Variants in RNF220 observed in about 807,000 individuals in gnomAD.
RNF220 encodes ring finger protein 220.
A neutral mutation model predicts 67.1 loss-of-function variants in RNF220; 7 were observed. The observed-to-expected ratio is 0.10, with a 90% CI of 0.06 to 0.20. RNF220 has a LOEUF of 0.20. Ranked by LOEUF, RNF220 falls within the 10% of genes least tolerant of loss-of-function variation. The pLI is 1.00. For synonymous variants in RNF220, 270 were observed against 283.2 expected (o/e 0.95, Z 0.47); for missense variants, 565 against 740.3 (o/e 0.76, Z 2.75).
chr1:44,454,410 G>A (rs1038204404), intron 2 of RNF220, among the ~76,000 whole-genome samples: 1 of 152,046 alleles, frequency 6.6e-6, no homozygotes, highest in African/African-American at 2.4e-5. Context: ...TTCTTTAAGA[G>A]TAAAGTCATG....
intron 2 of RNF220, among the ~76,000 whole-genome samples, chr1:44,593,789 G>A (rs1327125188): frequency 6.6e-6 from 1 of 150,694 alleles, no homozygotes; most frequent in Non-Finnish European, 1.5e-5. Context: ...GACTTAAAAG[G>A]GATAAACTCT....
At chr1:44,560,396 A>G (rs910473048) in intron 2 of RNF220, among the ~76,000 whole-genome samples, 1 of 152,236 alleles carries the variant, frequency 6.6e-6, no homozygotes, top group African/African-American at 2.4e-5. Flanking sequence ...TGCCATCATC[A>G]GTTCGGCTCC....
intron 2 of RNF220, among the ~76,000 whole-genome samples, chr1:44,455,100 T>A (rs968385087): frequency 2.6e-5 from 4 of 152,230 alleles, no homozygotes; most frequent in African/African-American, 9.6e-5. Flanking sequence ...AAGTTTGACT[T>A]TATAAGAAAT....
At chr1:44,581,459 T>A (rs1665272286) in intron 2 of RNF220, among the ~76,000 whole-genome samples, 1 of 152,174 alleles carries the variant, frequency 6.6e-6, no homozygotes, top group South Asian at 2.1e-4. Flanking sequence ...TTGGCCAAGC[T>A]CTTTCCCACA....
At position 44,565,964 on chromosome 1, in the gene RNF220, A is replaced by G. The variant is rs1013922164; in HGVS notation, c.626-48201A>G. On this transcript the variant is annotated intron_variant, in intron 2 of 14. Transcript: ENST00000361799. The surrounding 1 kb of genome is among the most constrained non-coding windows in gnomAD (Gnocchi z 4.2). ...TCCCTCTCTGCTCCACATTGATATA[A>G]ATGGAGGCTTCGGCTGCCTTTAAAT... 6.6e-6 allele frequency among the ~76,000 whole-genome samples: 1 copy of G among 151,992 alleles called. No individual in the cohort carries two copies. Among genetic ancestry groups the G allele is most frequent in the African/African-American group, 2.4e-5 (1 of 41,388 alleles).
At chr1:44,482,757 G>T (rs957375993) in intron 2 of RNF220, among the ~76,000 whole-genome samples, 3 of 151,968 alleles carry the variant, frequency 2.0e-5, no homozygotes, top group Admixed American at 1.3e-4. Flanking sequence ...GTGTAGCTGG[G>T]ATTACAGGCA....
chr1:44,552,653 C>T (rs1034951262), intron 2 of RNF220, among the ~76,000 whole-genome samples: 1 of 139,850 alleles, frequency 7.2e-6, no homozygotes, highest in Non-Finnish European at 1.5e-5. Context: ...TCCCTGCAAG[C>T]TCCGCCTCCC....
chr1:44,472,875 G>A lies in RNF220; in HGVS notation c.625+60153G>A, dbSNP rs919834164. ...TGACGGGATGGGTGCGCGTGCCTGT[G>A]GCTCCCTGCCACCTTGCCTTTCTCC... On this transcript the variant is annotated intron_variant, in intron 2 of 14. Coordinates refer to ENST00000361799, the MANE Select transcript of RNF220 (RefSeq NM_018150.4). 3.9e-5 allele frequency among the ~76,000 whole-genome samples: 6 copies of A among 152,316 alleles called. No individual in the cohort carries two copies. In the South Asian group the frequency reaches 1.2e-3, roughly 32 times the overall value.
chr1:44,597,658 C>T (rs866045900), intron 2 of RNF220, among the ~76,000 whole-genome samples: 2 of 152,050 alleles, frequency 1.3e-5, no homozygotes, highest in African/African-American at 4.8e-5. Flanking sequence ...CCGTTTCTCA[C>T]GAATGTCTCC....
At chr1:44,539,220 CTAAATAAATAAA>C (rs529760692) in intron 2 of RNF220, among the ~76,000 whole-genome samples, 1 of 151,920 alleles carries the variant, frequency 6.6e-6, no homozygotes, top group Admixed American at 6.6e-5. Flanking sequence ...GACTCCATCT[CTAAATAAATAAA>C]TAAATAAATA....
At chr1:44,450,124 G>A (rs566278012) in intron 2 of RNF220, among the ~76,000 whole-genome samples, 14 of 152,044 alleles carry the variant, frequency 9.2e-5, no homozygotes, top group African/African-American at 2.4e-4. Flanking sequence ...CAGGAGAATC[G>A]TTTGAACCTG....
At position 44,597,670 on chromosome 1, in the gene RNF220, A is replaced by C. The variant is rs576889442; in HGVS notation, c.626-16495A>C. On this transcript the variant is annotated intron_variant, in intron 2 of 14. Coordinates refer to ENST00000361799, the MANE Select transcript of RNF220 (RefSeq NM_018150.4). ...ACACCGTTTCTCACGAATGTCTCCCAGATGGCTCCGGCACACACGCACCTC... is the reference window on the plus strand; with the variant it reads ...ACACCGTTTCTCACGAATGTCTCCCCGATGGCTCCGGCACACACGCACCTC... Among the ~76,000 whole-genome samples, 232 of 152,144 alleles carry C rather than the reference A, an allele frequency of 1.5e-3. 2 individuals are homozygous for C. Among genetic ancestry groups the C allele is most frequent in the African/African-American group, 5.3e-3 (221 of 41,490 alleles).
At chr1:44,536,692 C>G (rs1471771358) in intron 2 of RNF220, among the ~76,000 whole-genome samples, 1 of 152,206 alleles carries the variant, frequency 6.6e-6, no homozygotes. Context: ...AGGCCCCCCT[C>G]TGCTGCTGCC....
At chr1:44,638,007 C>T (rs1040360285) in intron 8 of RNF220, among the ~76,000 whole-genome samples, 2 of 152,218 alleles carry the variant, frequency 1.3e-5, no homozygotes, top group African/African-American at 2.4e-5. Flanking sequence ...AGGCAGAGAG[C>T]GGGGCGCAGT....
Position 44,624,927 on chromosome 1 carries a change from C to T in RNF220, c.805-1370C>T, listed in dbSNP as rs1643895245. On this transcript the variant is annotated intron_variant, in intron 4 of 14. Coordinates refer to ENST00000361799, the MANE Select transcript of RNF220 (RefSeq NM_018150.4). The surrounding 1 kb of genome is among the most constrained non-coding windows in gnomAD (Gnocchi z 4.2). ...TTTTTTTTCAAAACACATTTTACTG[C>T]TTTTTGGTCCATGTTTAAAAAGCAC... 6.6e-6 allele frequency among the ~76,000 whole-genome samples: 1 copy of T among 151,882 alleles called. No individual in the cohort carries two copies. Among genetic ancestry groups the T allele is most frequent in the Non-Finnish European group, 1.5e-5 (1 of 67,966 alleles).
chr1:44,587,594 C>T (rs1392747349), intron 2 of RNF220, among the ~76,000 whole-genome samples: 1 of 152,188 alleles, frequency 6.6e-6, no homozygotes, highest in Non-Finnish European at 1.5e-5. Flanking sequence ...GGAATGGTCT[C>T]TCTTGCCCCG....
intron 2 of RNF220, among the ~76,000 whole-genome samples, chr1:44,603,098 TTTCCCAACGCAATTGAAAATGA>T (rs1462389812): frequency 4.6e-5 from 7 of 152,114 alleles, no homozygotes; most frequent in Middle Eastern, 6.8e-3. Flanking sequence ...ACAAATAAGG[TTTCCCAACGCAATTGAAAATGA>T]TTACAGGCAG....
chr1:44,409,892 G>GA (rs1000839297), intron 1 of RNF220, among the ~76,000 whole-genome samples: 4 of 131,546 alleles, frequency 3.0e-5, no homozygotes, highest in African/African-American at 8.6e-5. Flanking sequence ...AAAGGGAAAA[G>GA]AAAAAAAAGA....
intron 2 of RNF220, among the ~76,000 whole-genome samples, chr1:44,603,890 G>A (rs574466607): frequency 6.6e-6 from 1 of 152,358 alleles, no homozygotes; most frequent in East Asian, 1.9e-4. Flanking sequence ...AGTGCCCCAC[G>A]GTCCACCCAT....
Sources: allele counts gnomAD v4.1 joint callset (sites outside exome capture counted in the v4.1 genomes callset), GRCh38; gene constraint gnomAD v4.1.1; non-coding constraint Gnocchi (gnomAD v3.1); transcripts MANE v1.5; gene names NCBI Gene and HGNC (gene_info 2026-07-23, HGNC 2026-07-21).